Variants in SLC24A2 observed in about 807,000 individuals in gnomAD.
SLC24A2 encodes solute carrier family 24 member 2, also known as sodium/potassium/calcium exchanger 2.
Under a neutral mutation model 62.0 loss-of-function variants are expected in SLC24A2, and 36 were observed. The ratio of observed to expected loss-of-function variants is 0.58; its 90% confidence interval spans 0.44 to 0.77. The LOEUF (loss-of-function observed/expected upper bound fraction) is 0.77. Ranked by LOEUF, SLC24A2 falls within the 30% of genes least tolerant of loss-of-function variation. SLC24A2 has a pLI of 0.00. For missense variants in SLC24A2, 846 were observed against 817.9 expected, an observed-to-expected ratio of 1.03 and a Z score of -0.42; for synonymous variants, 358 against 294.0, an observed-to-expected ratio of 1.22 and a Z score of -2.23.
the SLC24A2 span, among the ~76,000 whole-genome samples, chr9:19,920,370 T>A: frequency 6.6e-6 from 1 of 152,156 alleles, no homozygotes; most frequent in South Asian, 2.1e-4. Flanking sequence ...AATTCATCAG[T>A]CGTGATTTTT....
the SLC24A2 span, among the ~76,000 whole-genome samples, chr9:20,232,574 T>C: frequency 6.6e-6 from 1 of 152,332 alleles, no homozygotes; most frequent in East Asian, 1.9e-4. Context: ...GTGGGATCGG[T>C]AGTGATATCC....
At chr9:20,090,217 T>C in the SLC24A2 span, among the ~76,000 whole-genome samples, 1 of 152,090 alleles carries the variant, frequency 6.6e-6, no homozygotes, top group Non-Finnish European at 1.5e-5. Context: ...CCAGGGCTGA[T>C]TGTACTGAGT....
At chr9:20,250,445 T>C in the SLC24A2 span, among the ~76,000 whole-genome samples, 3 of 152,206 alleles carry the variant, frequency 2.0e-5, no homozygotes, top group African/African-American at 4.8e-5. Flanking sequence ...TCTTCTTTAA[T>C]AGATCCCTTC....
intron 8 of SLC24A2, among the ~76,000 whole-genome samples, chr9:19,546,005 C>T (rs1293546918): frequency 1.3e-5 from 2 of 152,198 alleles, no homozygotes; most frequent in African/African-American, 4.8e-5. Flanking sequence ...ACTCCAGACC[C>T]TGTTTGCCTG....
the SLC24A2 span, among the ~76,000 whole-genome samples, chr9:20,072,007 A>T: frequency 6.6e-6 from 1 of 151,982 alleles, no homozygotes; most frequent in Non-Finnish European, 1.5e-5. Flanking sequence ...AAGCACAGGA[A>T]CTTCTGTCCT....
At chr9:19,734,547 CCT>C (rs201212087) in intron 2 of SLC24A2, among the ~76,000 whole-genome samples, 1,584 of 152,082 alleles carry the variant, frequency 0.01, 32 homozygotes, top group East Asian at 0.099. Flanking sequence ...TTGTTTGTAC[CCT>C]CTTTTACTTC....
the SLC24A2 span, among the ~76,000 whole-genome samples, chr9:20,138,900 T>C: frequency 1.3e-5 from 2 of 152,200 alleles, no homozygotes; most frequent in Non-Finnish European, 2.9e-5. Flanking sequence ...ATGATGCCAA[T>C]TCAAAGTCTC....
the SLC24A2 span, among the ~76,000 whole-genome samples, chr9:20,286,205 G>T: frequency 6.6e-6 from 1 of 152,204 alleles, no homozygotes; most frequent in Admixed American, 6.5e-5. Context: ...TTAGGAATAG[G>T]TTTGGTTGCA....
chr9:20,179,425 T>C, the SLC24A2 span, among the ~76,000 whole-genome samples: 1 of 151,986 alleles, frequency 6.6e-6, no homozygotes. Flanking sequence ...CATGAGATCA[T>C]CATGACTGAT....
chr9:20,164,619 C>G, the SLC24A2 span, among the ~76,000 whole-genome samples: 2 of 151,306 alleles, frequency 1.3e-5, no homozygotes, highest in Non-Finnish European at 2.9e-5. Context: ...TTTGACCCAG[C>G]CATCCCATTA....
chr9:19,915,155 G>T, the SLC24A2 span, among the ~76,000 whole-genome samples: 1 of 151,990 alleles, frequency 6.6e-6, no homozygotes, highest in Non-Finnish European at 1.5e-5. Context: ...ACCTATTTTG[G>T]ATATTTCACA....
chr9:19,555,638 CTT>C (rs1415427037), intron 7 of SLC24A2, among the ~76,000 whole-genome samples: 5 of 152,166 alleles, frequency 3.3e-5, no homozygotes, highest in African/African-American at 7.2e-5. Context: ...TTTAGTGTAA[CTT>C]TATCAGGTTG....
the SLC24A2 span, among the ~76,000 whole-genome samples, chr9:20,029,757 C>T: frequency 1.3e-5 from 2 of 152,156 alleles, no homozygotes; most frequent in African/African-American, 4.8e-5. Flanking sequence ...CATTTGAACT[C>T]AGGCAATATG....
At position 19,573,628 on chromosome 9, in the gene SLC24A2, A is replaced by G. The variant is rs536380000; in HGVS notation, c.1229-159T>C. ...CTAAAATGTTGGGCTAAAGCAGAGG[A>G]TAGTGGTGTCCCAGGGGCGATAAGG... On this transcript the variant is annotated intron_variant, in intron 6 of 10. Coordinates refer to ENST00000341998, the MANE Select transcript of SLC24A2 (RefSeq NM_020344.4). Among the ~76,000 whole-genome samples the G allele has an allele frequency of 1.3e-4, 20 of 152,206 alleles. No homozygotes were observed. The South Asian group carries it at 3.7e-3, about 28-fold the overall frequency.
At chr9:19,783,563 A>T (rs549532672) in intron 2 of SLC24A2, among the ~76,000 whole-genome samples, 45 of 152,342 alleles carry the variant, frequency 3.0e-4, no homozygotes, top group Middle Eastern at 6.8e-3. Context: ...TTTCAGGATG[A>T]ATCAAATTAC....
chr9:20,117,609 A>G, the SLC24A2 span, among the ~76,000 whole-genome samples: 1 of 152,136 alleles, frequency 6.6e-6, no homozygotes, highest in African/African-American at 2.4e-5. Context: ...CAAAGTACTT[A>G]TTATGTTTGT....
chr9:20,213,914 C>T, the SLC24A2 span, among the ~76,000 whole-genome samples: 7 of 152,278 alleles, frequency 4.6e-5, no homozygotes, highest in African/African-American at 1.7e-4. Context: ...CTCCATTTCA[C>T]CCTGTGTTTC....
chr9:19,899,963 A>G, the SLC24A2 span, among the ~76,000 whole-genome samples: 1 of 152,204 alleles, frequency 6.6e-6, no homozygotes, highest in Admixed American at 6.5e-5. Flanking sequence ...TCAAGATGAG[A>G]TGTGTGTGGG....
chr9:19,831,028 A>C, the SLC24A2 span, among the ~76,000 whole-genome samples: 1 of 152,142 alleles, frequency 6.6e-6, no homozygotes, highest in Admixed American at 6.5e-5. Context: ...CACTTGGTGG[A>C]AGGAAAGGAA....
Sources: allele counts gnomAD v4.1 joint callset (sites outside exome capture counted in the v4.1 genomes callset), GRCh38; gene constraint gnomAD v4.1.1; transcripts MANE v1.5; gene names NCBI Gene and HGNC (gene_info 2026-07-23, HGNC 2026-07-21).